The following PARD3B variants were observed in gnomAD, a reference collection of about 807,000 sequenced individuals.
The protein encoded by PARD3B is partitioning defective 3 homolog B.
A neutral mutation model predicts 130.2 loss-of-function variants in PARD3B; 103 were observed. The ratio of observed to expected loss-of-function variants is 0.79; its 90% CI spans 0.67 to 0.93. The LOEUF (loss-of-function observed/expected upper bound fraction) is 0.93. Among genes scored for constraint, PARD3B ranks in the 40% least tolerant of loss-of-function variants. The pLI is 0.00. For synonymous variants in PARD3B, 583 were observed against 553.2 expected, an observed-to-expected ratio of 1.05 and a Z score of -0.76; for missense variants, 1,609 against 1,499.2, an observed-to-expected ratio of 1.07 and a Z score of -1.21.
chr2:205,275,371 T>C (rs1039541129), intron 16 of PARD3B, among the ~76,000 whole-genome samples: 3 of 152,156 alleles, frequency 2.0e-5, no homozygotes, highest in Non-Finnish European at 2.9e-5. Flanking sequence ...ATGTGTCTTA[T>C]GGCAAAATAT....
chr2:205,058,900 C>T (rs1280171962), intron 4 of PARD3B, among the ~76,000 whole-genome samples: 2 of 151,368 alleles, frequency 1.3e-5, no homozygotes, highest in Non-Finnish European at 2.9e-5. Flanking sequence ...TGCCCCTTCA[C>T]TCTATTGTGT....
intron 1 of PARD3B, among the ~76,000 whole-genome samples, chr2:204,603,431 C>A (rs1313247555): frequency 6.6e-6 from 1 of 152,074 alleles, no homozygotes; most frequent in Non-Finnish European, 1.5e-5. Context: ...CATTTCTCTA[C>A]TGGGGCAAGT....
At chr2:204,955,572 G>C (rs1380952762) in intron 2 of PARD3B, among the ~76,000 whole-genome samples, 2 of 152,102 alleles carry the variant, frequency 1.3e-5, no homozygotes, top group Non-Finnish European at 2.9e-5. Context: ...TTTACCTAAG[G>C]AATTTTTTCC....
At chr2:204,648,509 G>A (rs1474794914) in intron 1 of PARD3B, among the ~76,000 whole-genome samples, 1 of 142,880 alleles carries the variant, frequency 7.0e-6, no homozygotes, top group Non-Finnish European at 1.5e-5. Context: ...AATTCATTAT[G>A]AGTTGTGGGC....
intron 2 of PARD3B, among the ~76,000 whole-genome samples, chr2:204,692,171 T>C (rs984560512): frequency 3.9e-5 from 6 of 152,106 alleles, no homozygotes; most frequent in African/African-American, 9.7e-5. Flanking sequence ...GATGAAGTAT[T>C]TTGTTCTACT....
chr2:204,964,256 C>T (rs1691009760), intron 2 of PARD3B, among the ~76,000 whole-genome samples: 2 of 152,120 alleles, frequency 1.3e-5, no homozygotes, highest in Non-Finnish European at 2.9e-5. Context: ...GATGAGAAAC[C>T]CTTGAAGTTT....
chr2:204,570,864 T>TAACTGAGGTGTATAAGCTGTTGC (rs1414554651), intron 1 of PARD3B, among the ~76,000 whole-genome samples: 54 of 148,772 alleles, frequency 3.6e-4, no homozygotes, highest in Middle Eastern at 7.2e-3. Flanking sequence ...TAAGCTGTTG[T>TAACTGAGGTGTATAAGCTGTTGC]AACTGAGGTG....
At chr2:205,602,380 G>A (rs2054821476) in intron 22 of PARD3B, among the ~76,000 whole-genome samples, 1 of 152,190 alleles carries the variant, frequency 6.6e-6, no homozygotes, top group South Asian at 2.1e-4. Context: ...TTAGGATGAT[G>A]CTAGCCTCAT....
At chr2:204,551,832 A>G (rs536477417) in intron 1 of PARD3B, among the ~76,000 whole-genome samples, 1 of 152,284 alleles carries the variant, frequency 6.6e-6, no homozygotes, top group African/African-American at 2.4e-5. Context: ...AGACTATTTT[A>G]TGAGTGGACT....
At chr2:205,224,370 CA>C (rs1231030778) in intron 15 of PARD3B, among the ~76,000 whole-genome samples, 243 of 55,970 alleles carry the variant, frequency 4.3e-3, no homozygotes, top group South Asian at 7.6e-3. Flanking sequence ...GACTCCGTCT[CA>C]AAAAAAAAAA....
At chr2:205,577,848 G>A (rs2053818095) in intron 22 of PARD3B, among the ~76,000 whole-genome samples, 1 of 152,198 alleles carries the variant, frequency 6.6e-6, no homozygotes, top group Non-Finnish European at 1.5e-5. Flanking sequence ...GGCCTGTCTT[G>A]TGGATTGATT....
chr2:205,020,416 TA>T (rs1184593839), intron 3 of PARD3B, among the ~76,000 whole-genome samples: 3 of 152,142 alleles, frequency 2.0e-5, no homozygotes, highest in Non-Finnish European at 4.4e-5. Context: ...CACATAAAAC[TA>T]GAAGCATACT....
chr2:204,631,861 A>G (rs1389842996), intron 1 of PARD3B, among the ~76,000 whole-genome samples: 1 of 152,082 alleles, frequency 6.6e-6, no homozygotes, highest in East Asian at 1.9e-4. Context: ...ATGTTTATGA[A>G]GTTTAGTTTG....
chr2:205,181,788 T>A (rs924078329), intron 13 of PARD3B, among the ~76,000 whole-genome samples: 2 of 152,210 alleles, frequency 1.3e-5, no homozygotes, highest in African/African-American at 4.8e-5. Context: ...AAGTAATGAC[T>A]ACAGGGAGTG....
At chr2:204,641,776 T>TAC (rs2035086033) in intron 1 of PARD3B, among the ~76,000 whole-genome samples, 1 of 152,208 alleles carries the variant, frequency 6.6e-6, no homozygotes, top group South Asian at 2.1e-4. Flanking sequence ...ATAAGTGTGC[T>TAC]TAGTACCAGT....
chr2:205,574,855 T>TAAA (rs5837982), intron 22 of PARD3B, among the ~76,000 whole-genome samples: 18 of 121,558 alleles, frequency 1.5e-4, no homozygotes, highest in African/African-American at 4.9e-4. Context: ...CACTGAGGAG[T>TAAA]AAAAAAAAAA....
At chr2:205,072,774 A>G (rs1449776628) in intron 4 of PARD3B, among the ~76,000 whole-genome samples, 2 of 152,194 alleles carry the variant, frequency 1.3e-5, no homozygotes, top group Non-Finnish European at 2.9e-5. Flanking sequence ...TGCTATGGCC[A>G]TACTTCTTAG....
chr2:204,557,526 G>A (rs2031009317), intron 1 of PARD3B, among the ~76,000 whole-genome samples: 1 of 151,954 alleles, frequency 6.6e-6, no homozygotes, highest in Non-Finnish European at 1.5e-5. Flanking sequence ...TCTTATCTCT[G>A]TTTTTAGCAC....
At chr2:205,112,932 A>G (rs536264289) in intron 5 of PARD3B, among the ~76,000 whole-genome samples, 3 of 152,338 alleles carry the variant, frequency 2.0e-5, no homozygotes, top group South Asian at 4.1e-4. Flanking sequence ...TGCCCTATTG[A>G]AAAGCAAGTT....
Sources: gnomAD v4.1 joint callset for allele counts (sites outside exome capture counted in the v4.1 genomes callset) on GRCh38, gnomAD v4.1.1 for gene constraint, MANE v1.5 for transcripts, NCBI Gene and HGNC (gene_info 2026-07-23, HGNC 2026-07-21) for gene names.